The following CALN1 variants were observed in gnomAD, a reference collection of about 807,000 sequenced individuals.
The protein encoded by CALN1 is calneuron 1.
A neutral mutation model predicts 30.6 loss-of-function variants in CALN1; 17 were observed. That is an observed-to-expected ratio of 0.56 (90% CI 0.38 to 0.83). The LOEUF (loss-of-function observed/expected upper bound fraction) is 0.83, where lower values mean the gene tolerates loss of function less well. Ranked by LOEUF, CALN1 falls within the 40% of genes least tolerant of loss-of-function variation. The pLI is 0.00. For synonymous variants in CALN1, 156 were observed against 131.4 expected (o/e 1.19, Z -1.28); for missense variants, 291 against 354.9 (o/e 0.82, Z 1.45).
chr7:72,437,985 T>G (rs921517958), intron 1 of CALN1, among the ~76,000 whole-genome samples: 1 of 150,940 alleles, frequency 6.6e-6, no homozygotes, highest in African/African-American at 2.4e-5. Flanking sequence ...TTCTCTTTCT[T>G]TCTTCTTGAG....
chr7:71,894,894 T>C (rs183517322), intron 5 of CALN1, among the ~76,000 whole-genome samples: 7 of 152,344 alleles, frequency 4.6e-5, no homozygotes, highest in African/African-American at 1.7e-4. Flanking sequence ...TCCATATTTC[T>C]GACTGGTTAT....
rs528940641 is a variant in CALN1 at position 72,322,050 on chromosome 7, G to A, written c.120-43240C>T. On this transcript the variant is annotated intron_variant, in intron 2 of 6. Coordinates refer to ENST00000395275, the MANE Select transcript of CALN1 (RefSeq NM_031468.4). ...ATGATTCAAGCACATTCCATTTATCGTGCACTTTATTTCTATTATTATTAG... is the reference window on the plus strand; with the variant it reads ...ATGATTCAAGCACATTCCATTTATCATGCACTTTATTTCTATTATTATTAG... Among the ~76,000 whole-genome samples, 17 of 152,234 alleles carry A rather than the reference G, an allele frequency of 1.1e-4. No homozygotes were observed. In the East Asian group the frequency reaches 1.2e-3, roughly 10 times the overall value.
chr7:72,012,820 G>C (rs1451979384), intron 5 of CALN1, among the ~76,000 whole-genome samples: 1 of 152,168 alleles, frequency 6.6e-6, no homozygotes, highest in Non-Finnish European at 1.5e-5. Flanking sequence ...TTTTGAGACA[G>C]AGTCCCCTTC....
At chr7:71,978,056 CA>C (rs745730490) in intron 5 of CALN1, among the ~76,000 whole-genome samples, 1 of 151,484 alleles carries the variant, frequency 6.6e-6, no homozygotes, top group African/African-American at 2.4e-5. Context: ...TGTGTCCAAG[CA>C]AAGTGTAGGC....
intron 5 of CALN1, among the ~76,000 whole-genome samples, chr7:71,888,440 A>G (rs574941926): frequency 1.0e-4 from 15 of 149,030 alleles, no homozygotes; most frequent in Non-Finnish European, 2.1e-4. Flanking sequence ...ATCGAGAGAG[A>G]GAGAGAAAGA....
At chr7:72,171,834 T>C (rs992610643) in intron 3 of CALN1, among the ~76,000 whole-genome samples, 2 of 152,134 alleles carry the variant, frequency 1.3e-5, no homozygotes, top group Non-Finnish European at 2.9e-5. Flanking sequence ...TGTTTACCAT[T>C]TAAACACACA....
At chr7:72,360,162 T>G (rs1314807082) in intron 2 of CALN1, among the ~76,000 whole-genome samples, 1 of 152,058 alleles carries the variant, frequency 6.6e-6, no homozygotes, top group African/African-American at 2.4e-5. Flanking sequence ...AACTGGGAAA[T>G]TTGATTTTGG....
At position 72,023,714 on chromosome 7, in the gene CALN1, C is replaced by T. The variant is rs757824564; in HGVS notation, c.444G>A (p.Val148=). The T allele has an allele frequency of 1.9e-6, 3 of 1,614,020 alleles. No homozygotes were observed. The highest frequency in any genetic ancestry group is 4.5e-5 in the East Asian group (2 of 44,856). The change falls in exon 5 of 7, where the codon GTG becomes GTA. Residue 148 remains valine, a synonymous_variant. Coordinates refer to ENST00000395275, the MANE Select transcript of CALN1 (RefSeq NM_031468.4). ...EFMTILGPKL[V]SSEGRDGFLG... is the part of the protein sequence containing the mutation. ...GAAAACCATCGCGACCTTCTGAAGA[C>T]ACCAGTTTGGGGCCAAGAATGGTCA...
intron 5 of CALN1, among the ~76,000 whole-genome samples, chr7:72,009,870 T>C (rs777402173): frequency 9.2e-5 from 14 of 152,240 alleles, no homozygotes; most frequent in Non-Finnish European, 1.8e-4. Context: ...TAAACCTCTT[T>C]TACTTTATAA....
chr7:72,399,899 T>C (rs1351396033), intron 2 of CALN1, among the ~76,000 whole-genome samples: 1 of 152,146 alleles, frequency 6.6e-6, no homozygotes, highest in Non-Finnish European at 1.5e-5. Context: ...CTCACTCTAT[T>C]AGTTCATGCA....
intron 5 of CALN1, among the ~76,000 whole-genome samples, chr7:71,981,389 G>T (rs1238380895): frequency 6.6e-6 from 1 of 152,088 alleles, no homozygotes; most frequent in Non-Finnish European, 1.5e-5. Context: ...AAACCCAAGA[G>T]GGGCTGGGGG....
intron 3 of CALN1, among the ~76,000 whole-genome samples, chr7:72,248,247 T>C (rs1795321472): frequency 6.6e-6 from 1 of 152,180 alleles, no homozygotes. Flanking sequence ...TCCAAGTAGC[T>C]GGGATTACAA....
chr7:72,098,151 G>A (rs1806374423), intron 4 of CALN1, among the ~76,000 whole-genome samples: 1 of 152,178 alleles, frequency 6.6e-6, no homozygotes, highest in South Asian at 2.1e-4. Flanking sequence ...GTGGAAAAGA[G>A]CTGCAGGCTT....
chr7:72,318,590 G>C (rs763245027), intron 2 of CALN1, among the ~76,000 whole-genome samples: 3 of 151,992 alleles, frequency 2.0e-5, no homozygotes, highest in Non-Finnish European at 4.4e-5. Flanking sequence ...ACCCAGGCTG[G>C]AGTGCAGTGG....
At chr7:72,266,441 A>G (rs1466644163) in intron 3 of CALN1, among the ~76,000 whole-genome samples, 1 of 152,244 alleles carries the variant, frequency 6.6e-6, no homozygotes, top group African/African-American at 2.4e-5. Context: ...CACTGGAATC[A>G]GGTAACTGGT....
At chr7:72,038,059 C>G (rs1329762086) in intron 4 of CALN1, among the ~76,000 whole-genome samples, 1 of 152,190 alleles carries the variant, frequency 6.6e-6, no homozygotes, top group East Asian at 1.9e-4. Flanking sequence ...GGTGCACCAC[C>G]AATGGCTTCC....
At chr7:71,852,621 C>T (rs906249730) in intron 5 of CALN1, among the ~76,000 whole-genome samples, 2 of 151,884 alleles carry the variant, frequency 1.3e-5, no homozygotes, top group African/African-American at 4.8e-5. Flanking sequence ...AAAAAGAAAA[C>T]AGAAACTGCC....
chr7:71,872,757 G>A (rs1792012842), intron 5 of CALN1, among the ~76,000 whole-genome samples: 1 of 151,802 alleles, frequency 6.6e-6, no homozygotes, highest in South Asian at 2.1e-4. Flanking sequence ...GTGACTACGG[G>A]CATGTGCCAC....
At chr7:71,886,431 A>G (rs1425463796) in intron 5 of CALN1, among the ~76,000 whole-genome samples, 1 of 152,192 alleles carries the variant, frequency 6.6e-6, no homozygotes, top group Admixed American at 6.5e-5. Flanking sequence ...GAATCAGGAT[A>G]AAGCTTCATG....
Sources: allele counts gnomAD v4.1 joint callset (sites outside exome capture counted in the v4.1 genomes callset), GRCh38; gene constraint gnomAD v4.1.1; transcripts MANE v1.5; gene names NCBI Gene and HGNC (gene_info 2026-07-23, HGNC 2026-07-21).